Variants in MAGI1 observed in about 807,000 individuals in gnomAD.
The protein encoded by MAGI1 is membrane associated guanylate kinase, WW and PDZ domain containing 1.
A neutral mutation model predicts 139.9 loss-of-function variants in MAGI1; 58 were observed. The observed-to-expected ratio is 0.41, with a 90% confidence interval of 0.34 to 0.52. The LOEUF is 0.52. Ranked by LOEUF, MAGI1 falls within the 20% of genes least tolerant of loss-of-function variation. MAGI1 has a pLI of 0.12. For synonymous variants in MAGI1, 812 were observed against 737.9 expected (o/e 1.10, Z -1.63); for missense variants, 1,874 against 1,901.6 (o/e 0.99, Z 0.27).
At chr3:65,916,671 G>A (rs1033947991) in intron 1 of MAGI1, among the ~76,000 whole-genome samples, 3 of 152,074 alleles carry the variant, frequency 2.0e-5, no homozygotes, top group Non-Finnish European at 4.4e-5. Context: ...TTTGGGTGGG[G>A]ACACAGCCAA....
At chr3:66,016,120 T>A (rs1221164865) in intron 1 of MAGI1, among the ~76,000 whole-genome samples, 2 of 152,268 alleles carry the variant, frequency 1.3e-5, no homozygotes, top group East Asian at 3.9e-4. Flanking sequence ...CGAAGTCTAT[T>A]CAGCGCCTCC....
chr3:65,764,084 G>GAAA (rs5849691), intron 1 of MAGI1, among the ~76,000 whole-genome samples: 8 of 125,506 alleles, frequency 6.4e-5, no homozygotes, highest in Admixed American at 8.0e-5. Context: ...AAGAAAAAAA[G>GAAA]AAAAAAAAAA....
chr3:65,443,674 G>A (rs1948493341), intron 7 of MAGI1, among the ~76,000 whole-genome samples: 1 of 151,786 alleles, frequency 6.6e-6, no homozygotes, highest in African/African-American at 2.4e-5. Context: ...GAAGGGACTA[G>A]GTTGTGGGTT....
At chr3:65,566,271 A>G (rs981762640) in intron 2 of MAGI1, among the ~76,000 whole-genome samples, 1 of 152,136 alleles carries the variant, frequency 6.6e-6, no homozygotes, top group Non-Finnish European at 1.5e-5. Context: ...AATAAAAAAT[A>G]AAAATAAGGA....
chr3:65,570,907 C>A (rs1182274086), intron 2 of MAGI1, among the ~76,000 whole-genome samples: 1 of 152,176 alleles, frequency 6.6e-6, no homozygotes, highest in Non-Finnish European at 1.5e-5. Context: ...ACTGCTAGGA[C>A]AAAACAAGCA....
chr3:65,374,604 C>T (rs969700956), intron 18 of MAGI1, among the ~76,000 whole-genome samples: 2 of 152,204 alleles, frequency 1.3e-5, no homozygotes, highest in African/African-American at 2.4e-5. Flanking sequence ...AGGCGTGAGA[C>T]ACCGCATTCA....
In MAGI1 at chr3:65,566,375, C is replaced by T. The variant is rs1261254049; in HGVS notation, c.430+55597G>A. Among the ~76,000 whole-genome samples, 6 of 152,084 alleles carry T rather than the reference C, an allele frequency of 3.9e-5. No individual in the cohort carries two copies. In the East Asian group the frequency reaches 7.7e-4, roughly 20 times the overall value. ...GGCATGAAGGCTGTTAACATCAGAA[C>T]ATTAACAGGGACTGAGTAGTAAGAT... On this transcript the variant is annotated intron_variant, in intron 2 of 22. Coordinates refer to ENST00000402939, the MANE Select transcript of MAGI1 (RefSeq NM_001033057.2).
intron 1 of MAGI1, among the ~76,000 whole-genome samples, chr3:65,743,144 C>T (rs1457704368): frequency 1.3e-5 from 2 of 152,092 alleles, no homozygotes; most frequent in Non-Finnish European, 2.9e-5. Flanking sequence ...CTCATTATCA[C>T]TCTTGAGATC....
chr3:65,523,229 T>C (rs1363976666), intron 2 of MAGI1, among the ~76,000 whole-genome samples: 1 of 152,180 alleles, frequency 6.6e-6, no homozygotes, highest in Non-Finnish European at 1.5e-5. Context: ...ATTGAACTAA[T>C]GCATGCCCAC....
At chr3:65,798,232 A>G (rs1429034562) in intron 1 of MAGI1, among the ~76,000 whole-genome samples, 3 of 151,180 alleles carry the variant, frequency 2.0e-5, no homozygotes, top group Admixed American at 6.6e-5. Flanking sequence ...TGAACCCGGG[A>G]GACGGAGCTT....
At chr3:65,840,161 T>G in intron 1 of MAGI1, among the ~76,000 whole-genome samples, 1 of 152,146 alleles carries the variant, frequency 6.6e-6, no homozygotes, top group Non-Finnish European at 1.5e-5. Flanking sequence ...TTTTTTTTTT[T>G]TGGTAGATTT....
chr3:66,000,279 G>A (rs2066675479), intron 1 of MAGI1, among the ~76,000 whole-genome samples: 2 of 151,994 alleles, frequency 1.3e-5, no homozygotes, highest in South Asian at 4.2e-4. Context: ...CCCAGCCCTT[G>A]TTCCCTTTTA....
intron 2 of MAGI1, among the ~76,000 whole-genome samples, chr3:65,518,454 A>G (rs1307570581): frequency 6.6e-6 from 1 of 152,184 alleles, no homozygotes; most frequent in African/African-American, 2.4e-5. Flanking sequence ...ACTGGGGCTT[A>G]ACTTCACGAG....
At chr3:65,507,287 T>G (rs947941076) in intron 2 of MAGI1, among the ~76,000 whole-genome samples, 1 of 152,210 alleles carries the variant, frequency 6.6e-6, no homozygotes, top group Admixed American at 6.5e-5. Flanking sequence ...TAACACATGC[T>G]TTTTTCCCTC....
intron 22 of MAGI1, chr3:65,359,756 G>A: frequency 1.0e-6 from 1 of 985,646 alleles, no homozygotes; most frequent in Non-Finnish European, 1.2e-6. Context: ...GTATTTAAAT[G>A]ATCTTTATTT....
rs1348963239 is a variant in MAGI1, at chr3:65,959,647, T to TTAG, written c.313+78348_313+78349insCTA. 2.3e-3 allele frequency among the ~76,000 whole-genome samples: 323 copies of TTAG among 142,584 alleles called. 1 individual carries two copies. Among genetic ancestry groups the TTAG allele is most frequent in the African/African-American group, 7.9e-3 (305 of 38,764 alleles). The allele number at this position is 142,584 out of a possible 152,430, so 93.5% of individuals were successfully genotyped here. ...ATTATTATTATTATTATTATTATTA[T>TTAG]TGAGACAAGGTCTCCCTATGTTTCC... On this transcript the variant is annotated intron_variant, in intron 1 of 22. Coordinates refer to ENST00000402939, the MANE Select transcript of MAGI1 (RefSeq NM_001033057.2).
chr3:65,748,808 G>T (rs2035904669), intron 1 of MAGI1, among the ~76,000 whole-genome samples: 1 of 152,194 alleles, frequency 6.6e-6, no homozygotes, highest in Admixed American at 6.5e-5. Context: ...AAGGCCTGGT[G>T]GGGGATTGAT....
intron 1 of MAGI1, among the ~76,000 whole-genome samples, chr3:65,982,700 C>T (rs2065651976): frequency 1.3e-5 from 2 of 152,008 alleles, no homozygotes; most frequent in African/African-American, 4.8e-5. Context: ...TGTGTAACAT[C>T]GTAATGATTG....
intron 1 of MAGI1, among the ~76,000 whole-genome samples, chr3:66,021,311 C>G (rs2067948239): frequency 6.6e-6 from 1 of 152,162 alleles, no homozygotes; most frequent in Non-Finnish European, 1.5e-5. Flanking sequence ...TGTCTTTCCA[C>G]CGGAGTTCCC....
Sources: allele counts gnomAD v4.1 joint callset (sites outside exome capture counted in the v4.1 genomes callset), GRCh38; gene constraint gnomAD v4.1.1; transcripts MANE v1.5; gene names NCBI Gene and HGNC (gene_info 2026-07-23, HGNC 2026-07-21).